The following RNF216 variants were observed in gnomAD, a reference collection of about 807,000 sequenced individuals.
The protein encoded by RNF216 is E3 ubiquitin-protein ligase RNF216.
A neutral mutation model predicts 110.8 loss-of-function variants in RNF216; 72 were observed. The observed-to-expected ratio is 0.65, with a 90% CI of 0.54 to 0.79. The LOEUF is 0.79. Ranked by LOEUF, RNF216 falls within the 30% of genes least tolerant of loss-of-function variation. The probability of loss-of-function intolerance (pLI) is 0.00; values close to 1 mark genes in which losing one functional copy is unlikely to be tolerated. For synonymous variants in RNF216, 495 were observed against 407.5 expected (o/e 1.21, Z -2.59); for missense variants, 1,342 against 1,141.2 (o/e 1.18, Z -2.54).
chr7:5,732,181 G>A (rs961149922), intron 5 of RNF216, among the ~76,000 whole-genome samples: 2 of 152,150 alleles, frequency 1.3e-5, no homozygotes, highest in African/African-American at 4.8e-5. Flanking sequence ...TGTCATCAGT[G>A]GTAATTCTCC....
At chr7:5,711,690 T>C in intron 13 of RNF216, 71 bp downstream of exon 13, 1 of 1,210,154 alleles carries the variant, frequency 8.3e-7, no homozygotes, top group Non-Finnish European at 1.2e-6. Flanking sequence ...AAACAGCAGA[T>C]ATTTGGGCCA....
intron 14 of RNF216, among the ~76,000 whole-genome samples, chr7:5,648,730 A>T (rs1405034509): frequency 2.7e-5 from 4 of 150,564 alleles, no homozygotes; most frequent in Admixed American, 2.6e-4. Context: ...TCTGTCTCAA[A>T]AAAAAAAAAA....
Position 5,622,837 on chromosome 7 carries a change from T to C in RNF216, c.*23A>G. 6.4e-7 allele frequency: 1 copy of C among 1,573,968 alleles called. No homozygotes were observed. The highest frequency in any genetic ancestry group is 8.6e-7 in the Non-Finnish European group (1 of 1,156,594). ...CTCCTACCCCAAACGGGCTTTGTGCTGCTCAATGGGGATTCGGGGCCATCA... is the reference window on the plus strand; with the variant it reads ...CTCCTACCCCAAACGGGCTTTGTGCCGCTCAATGGGGATTCGGGGCCATCA... On this transcript the variant is annotated 3_prime_UTR_variant, in exon 17 of 17. Transcript: ENST00000389902.
chr7:5,726,320 A>G (rs1234661216), intron 7 of RNF216, among the ~76,000 whole-genome samples: 1 of 152,136 alleles, frequency 6.6e-6, no homozygotes, highest in Non-Finnish European at 1.5e-5. Flanking sequence ...AGTACAGGTA[A>G]AATCACATGA....
At chr7:5,758,817 G>C (rs1795778936) in intron 2 of RNF216, among the ~76,000 whole-genome samples, 1 of 152,136 alleles carries the variant, frequency 6.6e-6, no homozygotes, top group African/African-American at 2.4e-5. Context: ...GATAAGACTG[G>C]ACTTTTGAGT....
intron 13 of RNF216, among the ~76,000 whole-genome samples, chr7:5,657,228 G>C (rs1788803233): frequency 6.6e-6 from 1 of 152,242 alleles, no homozygotes; most frequent in Non-Finnish European, 1.5e-5. Context: ...TGCCAATCCA[G>C]AAGTAGCTTC....
chr7:5,685,949 G>A (rs149500909), intron 13 of RNF216, among the ~76,000 whole-genome samples: 2,997 of 152,236 alleles, frequency 0.02, 45 homozygotes, highest in Non-Finnish European at 0.031. Context: ...CCGGCCGGGC[G>A]CGGTGGCTCA....
In RNF216 at chr7:5,623,172, G is replaced by A; in HGVS notation, c.2460C>T (p.Thr820=). 1 of 1,553,010 alleles carries A rather than the reference G, an allele frequency of 6.4e-7. No individual in the cohort carries two copies. Among genetic ancestry groups the A allele is most frequent in the East Asian group, 2.3e-5 (1 of 44,070 alleles). The stretch of plus-strand genomic sequence containing the variant: ...CCAGCGGGGGTCCAATGCGTTTGAA[G>A]GTGTTCTCTGAAAGGGATGTGGGGA... The part of the protein sequence containing the change: ...EEQKRKNGEN[T]FKRIGPPLEK... The change falls in exon 17 of 17, where the codon ACC becomes ACT. Residue 820 remains threonine (T), a synonymous_variant. Transcript: ENST00000389902.
chr7:5,711,312 T>C (rs985667244), intron 13 of RNF216, among the ~76,000 whole-genome samples: 1 of 152,160 alleles, frequency 6.6e-6, no homozygotes, highest in African/African-American at 2.4e-5. Context: ...ACCTACCAGA[T>C]GTGATGGAGA....
At chr7:5,742,344 G>C (rs563425502) in intron 3 of RNF216, among the ~76,000 whole-genome samples, 1 of 152,162 alleles carries the variant, frequency 6.6e-6, no homozygotes, top group East Asian at 1.9e-4. Context: ...ACTGAACCCA[G>C]CCCTGAATTA....
At chr7:5,662,555 C>T (rs570581772) in intron 13 of RNF216, 1 of 152,310 alleles carries the variant, frequency 6.6e-6, no homozygotes, top group Admixed American at 6.5e-5. Context: ...GTAACAGAGA[C>T]AGTTTCTGCA....
intron 1 of RNF216, among the ~76,000 whole-genome samples, chr7:5,762,044 A>G (rs1795962893): frequency 6.6e-6 from 1 of 152,188 alleles, no homozygotes; most frequent in South Asian, 2.1e-4. Context: ...ACGGACAGGG[A>G]TGGTCATTAT....
chr7:5,730,464 T>C (rs1794022527), intron 6 of RNF216, among the ~76,000 whole-genome samples: 1 of 152,266 alleles, frequency 6.6e-6, no homozygotes, highest in Non-Finnish European at 1.5e-5. Flanking sequence ...ATTCGTTCAA[T>C]TCTTTGTGGG....
chr7:5,729,863 T>C (rs1339647945), intron 6 of RNF216, among the ~76,000 whole-genome samples: 2 of 152,166 alleles, frequency 1.3e-5, no homozygotes, highest in South Asian at 2.1e-4. Flanking sequence ...TTCCATACCA[T>C]ATTTACGAAC....
At chr7:5,709,122 G>C (rs1792494951) in intron 13 of RNF216, among the ~76,000 whole-genome samples, 1 of 152,212 alleles carries the variant, frequency 6.6e-6, no homozygotes. Flanking sequence ...AGAGCAGGGA[G>C]AGGGCAATGA....
intron 13 of RNF216, among the ~76,000 whole-genome samples, chr7:5,689,227 G>T (rs1017441315): frequency 5.9e-5 from 9 of 152,062 alleles, no homozygotes; most frequent in Admixed American, 1.3e-4. Context: ...CAAAGGGCAG[G>T]CCTGGCTCCA....
chr7:5,635,967 A>AAAAC (rs1787373630), intron 15 of RNF216, among the ~76,000 whole-genome samples: 1 of 152,230 alleles, frequency 6.6e-6, no homozygotes, highest in Admixed American at 6.5e-5. Flanking sequence ...GACACTGTAG[A>AAAAC]AAACAATTCT....
chr7:5,742,885 C>G lies in RNF216; in HGVS notation c.202-1070G>C, dbSNP rs114024383. Among the ~76,000 whole-genome samples the G allele has an allele frequency of 8.6e-3, 1,302 of 152,072 alleles. 14 individuals are homozygous for G. Among genetic ancestry groups the G allele is most frequent in the African/African-American group, 0.03 (1,238 of 41,480 alleles). On this transcript the variant is annotated intron_variant, in intron 3 of 16. Transcript: ENST00000389902. ...TGCTGGGATTACAGGTGTGGGGCAC[C>G]GCGCTTGGCCGATGTGTGAAAATTC...
chr7:5,660,241 C>G (rs1446853286), intron 13 of RNF216, among the ~76,000 whole-genome samples: 1 of 132,524 alleles, frequency 7.5e-6, no homozygotes, highest in Non-Finnish European at 1.6e-5. Context: ...ATATGAGCCA[C>G]AGAGCCCGGC....
Sources: gnomAD v4.1 joint callset for allele counts (sites outside exome capture counted in the v4.1 genomes callset) on GRCh38, gnomAD v4.1.1 for gene constraint, MANE v1.5 for transcripts, NCBI Gene and HGNC (gene_info 2026-07-23, HGNC 2026-07-21) for gene names.